The following IGF2BP2 variants were observed in gnomAD, a reference collection of about 807,000 sequenced individuals.
The protein encoded by IGF2BP2 is insulin like growth factor 2 mRNA binding protein 2.
A neutral mutation model predicts 75.8 loss-of-function variants in IGF2BP2; 17 were observed. That is an observed-to-expected ratio of 0.22 (90% CI 0.15 to 0.34). The LOEUF (loss-of-function observed/expected upper bound fraction) is 0.34, where lower values mean the gene tolerates loss of function less well. IGF2BP2 is among the 10% of genes least tolerant of loss of function. The probability of loss-of-function intolerance (pLI) is 1.00; values close to 1 mark genes in which losing one functional copy is unlikely to be tolerated. For synonymous variants in IGF2BP2, 288 were observed against 295.6 expected (o/e 0.97, Z 0.26); for missense variants, 516 against 772.4 (o/e 0.67, Z 3.93).
At chr3:185,777,946 A>G (rs1422426118) in intron 2 of IGF2BP2, among the ~76,000 whole-genome samples, 1 of 152,050 alleles carries the variant, frequency 6.6e-6, no homozygotes, top group Non-Finnish European at 1.5e-5. Flanking sequence ...TGGGAGGCTG[A>G]GGCAGGAGAA....
chr3:185,824,922 G>A lies in IGF2BP2; in HGVS notation c.39C>T (p.Ala13=), dbSNP rs369642968. 22 of 1,564,080 alleles carry A rather than the reference G, an allele frequency of 1.4e-5. No homozygotes were observed. In the South Asian group the frequency reaches 2.0e-4, roughly 14 times the overall value. The part of the protein sequence containing the change: ...NKLYIGNLSP[A]VTADDLRQLF... The stretch of plus-strand genomic sequence containing the variant: ...GCTGCCGGAGGTCGTCGGCGGTGAC[G>A]GCGGGGCTCAGGTTCCCGATGTAAA... Residue 13 remains alanine, a synonymous_variant, in exon 1 of 16, where the codon GCC becomes GCT. Coordinates refer to ENST00000382199, the MANE Select transcript of IGF2BP2 (RefSeq NM_006548.6).
At chr3:185,701,011 G>C (rs1391976679) in intron 2 of IGF2BP2, among the ~76,000 whole-genome samples, 3 of 152,192 alleles carry the variant, frequency 2.0e-5, no homozygotes, top group Admixed American at 1.3e-4. Context: ...ATGTGTATGT[G>C]TGTAAATGCA....
At chr3:185,772,337 G>A (rs143879631) in intron 2 of IGF2BP2, among the ~76,000 whole-genome samples, 4 of 152,208 alleles carry the variant, frequency 2.6e-5, no homozygotes, top group South Asian at 2.1e-4. Flanking sequence ...AAGAGAAAAC[G>A]CTAGGCTCTG....
intron 10 of IGF2BP2, among the ~76,000 whole-genome samples, chr3:185,659,229 GA>G (rs566827608): frequency 5.0e-5 from 7 of 138,776 alleles, no homozygotes; most frequent in Admixed American, 1.4e-4. Flanking sequence ...GTCTCCATAA[GA>G]AAAAAAAAAG....
chr3:185,727,358 G>A (rs1422845577), intron 2 of IGF2BP2, among the ~76,000 whole-genome samples: 1 of 152,204 alleles, frequency 6.6e-6, no homozygotes, highest in Non-Finnish European at 1.5e-5. Flanking sequence ...GGGCCTCACA[G>A]AGCGGGCTAT....
At chr3:185,705,364 G>C (rs879393304) in intron 2 of IGF2BP2, among the ~76,000 whole-genome samples, 2 of 152,154 alleles carry the variant, frequency 1.3e-5, no homozygotes, top group Non-Finnish European at 2.9e-5. Context: ...CAAAGTGCTG[G>C]GATTACAGGC....
At chr3:185,712,722 T>C (rs953352176) in intron 2 of IGF2BP2, 1 of 149,136 alleles carries the variant, frequency 6.7e-6, no homozygotes, top group Non-Finnish European at 1.5e-5. Context: ...AGATGCTGAA[T>C]TTTGGAAAAA....
In IGF2BP2 at chr3:185,645,754, A is replaced by T. The variant is rs1577776273; in HGVS notation, c.1708-131T>A. 1 of 662,222 alleles carries T rather than the reference A, an allele frequency of 1.5e-6. No homozygotes were observed. The allele number at this position is 662,222 out of a possible 1,614,324, so 41.0% of individuals were successfully genotyped here. ...ATGCTCAGACAAGCATCATCTACCC[A>T]CCCCCGCACGTTACTCCAGGCCCTT... is the stretch of plus-strand genomic sequence containing the variant. On this transcript the variant is annotated intron_variant, in intron 15 of 15. Coordinates refer to ENST00000382199, the MANE Select transcript of IGF2BP2 (RefSeq NM_006548.6). The surrounding 1 kb of genome is among the most constrained non-coding windows in gnomAD (Gnocchi z 4.9).
intron 2 of IGF2BP2, among the ~76,000 whole-genome samples, chr3:185,801,032 T>C (rs1365688463): frequency 1.3e-5 from 2 of 151,242 alleles, no homozygotes; most frequent in Non-Finnish European, 2.9e-5. Flanking sequence ...AACAACTCCA[T>C]AAAAGAGTGG....
intron 2 of IGF2BP2, chr3:185,722,578 T>G (rs1371026780): frequency 4.0e-6 from 1 of 246,958 alleles, no homozygotes; most frequent in Admixed American, 5.4e-5. Flanking sequence ...ACAGGGAAGG[T>G]AAAATGAGAG....
At chr3:185,790,226 C>G (rs915658949) in intron 2 of IGF2BP2, among the ~76,000 whole-genome samples, 1 of 152,156 alleles carries the variant, frequency 6.6e-6, no homozygotes. Flanking sequence ...GCTCAAATCC[C>G]TTAAACAGGC....
chr3:185,823,461 C>T (rs1262241824), intron 1 of IGF2BP2, among the ~76,000 whole-genome samples: 1 of 152,170 alleles, frequency 6.6e-6, no homozygotes, highest in East Asian at 1.9e-4. Flanking sequence ...GTGGCATTAC[C>T]GGAAAAACAA....
At chr3:185,665,925 C>T (rs143347990) in intron 10 of IGF2BP2, among the ~76,000 whole-genome samples, 1 of 152,194 alleles carries the variant, frequency 6.6e-6, no homozygotes, top group Non-Finnish European at 1.5e-5. Context: ...CAAAATTGCA[C>T]CAGTGCACTT....
intron 2 of IGF2BP2, among the ~76,000 whole-genome samples, chr3:185,802,862 A>C (rs959465031): frequency 6.6e-6 from 1 of 152,240 alleles, no homozygotes; most frequent in Non-Finnish European, 1.5e-5. Flanking sequence ...TAAATGCAGA[A>C]GTGCTGAGAG....
chr3:185,707,805 G>A (rs1437506101), intron 2 of IGF2BP2, among the ~76,000 whole-genome samples: 1 of 152,060 alleles, frequency 6.6e-6, no homozygotes, highest in Non-Finnish European at 1.5e-5. Context: ...AATTCCCTAC[G>A]ATAATACCAT....
intron 2 of IGF2BP2, among the ~76,000 whole-genome samples, chr3:185,719,550 C>T (rs1290634481): frequency 6.6e-6 from 1 of 152,060 alleles, no homozygotes; most frequent in Non-Finnish European, 1.5e-5. Flanking sequence ...TATTGGAGTA[C>T]AGGCTGGGTG....
At chr3:185,662,493 CAA>C (rs796376650) in intron 10 of IGF2BP2, among the ~76,000 whole-genome samples, 5 of 70,754 alleles carry the variant, frequency 7.1e-5, no homozygotes, top group Admixed American at 1.6e-4. Context: ...GAAAAAAAGA[CAA>C]AAAAAAAAAA....
intron 2 of IGF2BP2, among the ~76,000 whole-genome samples, chr3:185,709,433 T>C (rs903197385): frequency 5.3e-5 from 8 of 152,228 alleles, no homozygotes; most frequent in Non-Finnish European, 1.0e-4. Context: ...CACTTGCTGC[T>C]GGGCGCTGGC....
intron 2 of IGF2BP2, among the ~76,000 whole-genome samples, chr3:185,726,499 C>T (rs900360611): frequency 6.6e-6 from 1 of 152,194 alleles, no homozygotes; most frequent in Non-Finnish European, 1.5e-5. Flanking sequence ...ACAGGAACAC[C>T]TGCCACTTAT....
Sources: gnomAD v4.1 joint callset for allele counts (sites outside exome capture counted in the v4.1 genomes callset) on GRCh38, gnomAD v4.1.1 for gene constraint, Gnocchi (gnomAD v3.1) non-coding constraint, MANE v1.5 for transcripts, NCBI Gene and HGNC (gene_info 2026-07-23, HGNC 2026-07-21) for gene names.